Variants in GRIN3B observed in about 807,000 individuals in gnomAD.
GRIN3B encodes glutamate ionotropic receptor NMDA type subunit 3B.
In GRIN3B, 77 loss-of-function variants were observed where a neutral mutation model predicts 66.0. The observed-to-expected ratio is 1.17, with a 90% CI of 0.97 to 1.41. The LOEUF (loss-of-function observed/expected upper bound fraction) is 1.41. Among genes scored for constraint, GRIN3B ranks in the 40% most tolerant of loss-of-function variants. The pLI, the probability that GRIN3B is intolerant of heterozygous loss-of-function variation, is 0.00. For synonymous variants in GRIN3B, 823 were observed against 749.7 expected (o/e 1.10, Z -1.60); for missense variants, 1,787 against 1,564.5 (o/e 1.14, Z -2.40).
At chr19:1,008,471 C>T in intron 6 of GRIN3B, 147 bp from the exon 7 acceptor site, 1 of 1,053,618 alleles carries the variant, frequency 9.5e-7, no homozygotes, top group East Asian at 2.6e-5. Context: ...AAACCTCACT[C>T]CCCCCAGCCA....
rs1467156302 is a variant in GRIN3B at position 1,000,585 on chromosome 19, C to G, written c.148C>G (p.Arg50Gly). Residue 50 changes from arginine to glycine, a missense_variant, in exon 1 of 9, where the codon CGC (arginine) becomes GGC (glycine). Transcript: ENST00000234389. Reference protein sequence around the residue: ...GALLPRAPLARARARAALARA... With the variant: ...GALLPRAPLAGARARAALARA... ...CCTCCTGCCCCGCGCGCCTCTCGCC[C>G]GCGCCCGCGCCCGCGCCGCCCTGGC... 9.9e-7 allele frequency: 1 copy of G among 1,012,340 alleles called. No individual in the cohort carries two copies. 62.7% of individuals were successfully genotyped at this position (1,012,340 alleles called of 1,614,324 possible).
rs753243001 is a variant in GRIN3B at position 1,003,381 on chromosome 19, G to A, written c.678G>A (p.Val226=). The change falls in exon 2 of 9, where the codon GTG becomes GTA. Residue 226 remains valine (V), a synonymous_variant. Transcript: ENST00000234389. ...GCCTGGCCCCGATGGCGGCGCCAGT[G>A]GGGGGTGAAGCACCGGTACCCGCGG... ...RARLAPMAAP[V]GGEAPVPAAV... The A allele has an allele frequency of 8.3e-6, 13 of 1,566,506 alleles. No individual in the cohort carries two copies. The highest frequency in any genetic ancestry group is 1.2e-5 in the South Asian group (1 of 86,050).
chr19:1,004,302 G>A lies in GRIN3B; in HGVS notation c.1020-219G>A, dbSNP rs1430990114. 3.3e-5 allele frequency among the ~76,000 whole-genome samples: 5 copies of A among 152,192 alleles called. No homozygotes were observed. The East Asian group carries it at 7.7e-4, about 23-fold the overall frequency. ...TGTGTGTCAGTCACTGGCTTCAGGC[G>A]TATGTGGAGTGGGGGCACAGCCACG... On this transcript the variant is annotated intron_variant, in intron 2 of 8. Coordinates refer to ENST00000234389, the MANE Select transcript of GRIN3B (RefSeq NM_138690.3).
rs755216578 is a variant in GRIN3B at position 1,005,270 on chromosome 19, T to C, written c.1769T>C (p.Leu590Pro). Reference protein sequence around the residue: ...GVFAALHLTALFLTVYEWRSP... With the variant: ...GVFAALHLTAPFLTVYEWRSP... ...TTTGCGGCCCTGCACCTCACCGCGCTCTTCCTCACCGTGTACGAGTGGCGT... is the reference window on the plus strand; with the variant it reads ...TTTGCGGCCCTGCACCTCACCGCGCCCTTCCTCACCGTGTACGAGTGGCGT... The change falls in exon 3 of 9, where the codon CTC (leucine) becomes CCC (proline). Residue 590 changes from leucine (L) to proline (P), a missense_variant. Physicochemically the swap from Leu to Pro is moderately conservative, Grantham distance 98 (BLOSUM62 -3). Transcript: ENST00000234389. The surrounding 1 kb of genome is among the most constrained non-coding windows in gnomAD (Gnocchi z 5.2). The C allele has an allele frequency of 3.1e-6, 5 of 1,613,394 alleles. No homozygotes were observed. In the South Asian group the frequency reaches 4.4e-5, roughly 14 times the overall value.
intron 3 of GRIN3B, among the ~76,000 whole-genome samples, chr19:1,006,694 C>T (rs1599459525): frequency 6.6e-6 from 1 of 152,152 alleles, no homozygotes; most frequent in Non-Finnish European, 1.5e-5. Context: ...CCTGGGGGTG[C>T]CTGGCCTGCT....
intron 1 of GRIN3B, among the ~76,000 whole-genome samples, 197 bp downstream of exon 1, chr19:1,001,060 G>A (rs905125640): frequency 2.6e-5 from 4 of 152,140 alleles, no homozygotes; most frequent in African/African-American, 7.2e-5. Flanking sequence ...AGAACCCAGA[G>A]GAAGAGACCC....
intron 2 of GRIN3B, 43 bp downstream of exon 2, chr19:1,003,765 C>T: frequency 7.4e-7 from 1 of 1,345,964 alleles, no homozygotes; most frequent in South Asian, 1.6e-5. Flanking sequence ...GTCCAGGCCA[C>T]TGAGTCTGCA....
chr19:1,003,785 G>C lies in GRIN3B; in HGVS notation c.1019+63G>C, dbSNP rs533386390. On this transcript the variant is annotated intron_variant, in intron 2 of 8. Transcript: ENST00000234389. ...GGCCACTGAGTCTGCACTGCTCATGGATCACAAAAGGCAACGTGAGGCCAG... is the reference window on the plus strand; with the variant it reads ...GGCCACTGAGTCTGCACTGCTCATGCATCACAAAAGGCAACGTGAGGCCAG... The C allele has an allele frequency of 1.8e-5, 22 of 1,251,618 alleles. No homozygotes were observed. The African/African-American group carries it at 2.2e-4, about 13-fold the overall frequency. The allele number at this position is 1,251,618 out of a possible 1,614,324, so 77.5% of individuals were successfully genotyped here. A position where few individuals can be genotyped will look rare whatever the true frequency, so the allele number is the denominator to read the frequency against.
rs2038670005 is a variant in GRIN3B at position 1,000,485 on chromosome 19, G to A, written c.48G>A (p.Gly16=). 1 of 1,206,116 alleles carries A rather than the reference G, an allele frequency of 8.3e-7. No homozygotes were observed. 74.7% of individuals were successfully genotyped at this position (1,206,116 alleles called of 1,614,324 possible). Residue 16 remains glycine, a synonymous_variant, in exon 1 of 9, where the codon GGG becomes GGA. Coordinates refer to ENST00000234389, the MANE Select transcript of GRIN3B (RefSeq NM_138690.3). Reference sequence around the variant, plus strand: ...GGCTGGGCCTGGCGCTGGCGCTGGGGCCGGGGTCCGCGGGGGGCCACCCTC... The same window carrying A: ...GGCTGGGCCTGGCGCTGGCGCTGGGACCGGGGTCCGCGGGGGGCCACCCTC... The part of the protein sequence containing the change: ...ALWLGLALAL[G]PGSAGGHPQP...
At position 1,003,225 on chromosome 19, in the gene GRIN3B, C is replaced by G; in HGVS notation, c.522C>G (p.Val174=). ...AVLQAHAWED[V]GLALCRTQDP... is the part of the protein sequence containing the mutation. ...TGCAGGCGCACGCCTGGGAAGACGTCGGCCTGGCCCTGTGCCGCACTCAGG... is the reference window on the plus strand; with the variant it reads ...TGCAGGCGCACGCCTGGGAAGACGTGGGCCTGGCCCTGTGCCGCACTCAGG... Residue 174 remains valine (V), a synonymous_variant, in exon 2 of 9, where the codon GTC becomes GTG. Transcript: ENST00000234389. The G allele has an allele frequency of 6.4e-7, 1 of 1,570,248 alleles. No individual in the cohort carries two copies. The highest frequency in any genetic ancestry group is 8.6e-7 in the Non-Finnish European group (1 of 1,159,822).
chr19:1,008,811 C>A, intron 7 of GRIN3B, 29 bp downstream of exon 7: 2 of 1,586,946 alleles, frequency 1.3e-6, no homozygotes, highest in Non-Finnish European at 1.7e-6. Flanking sequence ...GCGGGCGGCC[C>A]CACCCCCCCC....
Position 1,008,650 on chromosome 19 carries a change from C to T in GRIN3B, c.2499C>T (p.Gly833=), listed in dbSNP as rs1217373231. ...TLQMSIYHFA[G]LFVLLCLGLG... ...AGATGAGCATCTACCACTTCGCGGG[C>T]CTCTTCGTGTTGCTGTGCCTGGGCC... The change falls in exon 7 of 9, where the codon GGC becomes GGT. Residue 833 remains glycine (G), a synonymous_variant. Transcript: ENST00000234389. 2 of 1,602,654 alleles carry T rather than the reference C, an allele frequency of 1.2e-6. No individual in the cohort carries two copies. Among genetic ancestry groups the T allele is most frequent in the East Asian group, 2.2e-5 (1 of 44,864 alleles).
chr19:1,000,816 G>T lies in GRIN3B; in HGVS notation c.379G>T (p.Val127Leu), dbSNP rs1285868871. 1 of 1,449,728 alleles carries T rather than the reference G, an allele frequency of 6.9e-7. No individual in the cohort carries two copies. The allele number at this position is 1,449,728 out of a possible 1,614,324, so 89.8% of individuals were successfully genotyped here. ...HFLAAATETPVLSLLRREARA... is the reference protein window; with the variant it reads ...HFLAAATETPLLSLLRREARA... ...CCTGGCGGCGGCCACCGAGACCCCC[G>T]TGCTCAGCCTGCTGCGGCGGGAGGC... The change falls in exon 1 of 9, where the codon GTG becomes TTG. Residue 127 changes from valine (V) to leucine (L), a missense_variant. Val to Leu is a conservative substitution (Grantham distance 32). Coordinates refer to ENST00000234389, the MANE Select transcript of GRIN3B (RefSeq NM_138690.3).
Position 1,009,186 on chromosome 19 carries a change from GA to G in GRIN3B, c.2717del (p.Glu906GlyfsTer179). 6.8e-7 allele frequency: 1 copy of G among 1,471,676 alleles called. No individual in the cohort carries two copies. The highest frequency in any genetic ancestry group is 8.9e-7 in the Non-Finnish European group (1 of 1,122,736). 91.2% of individuals were successfully genotyped at this position (1,471,676 alleles called of 1,614,324 possible). On this transcript the variant is annotated frameshift_variant, in exon 9 of 9. Transcript: ENST00000234389. LOFTEE classifies it low-confidence loss of function (END_TRUNC). ...TTCCGTCCCCAGCGGCCCCGAGGTG[GA>G]GCAGCAGCAGCAGCAGCAGGACCAG... is the stretch of plus-strand genomic sequence containing the variant. Reference protein sequence around the residue: ...AEAEPSGPEVEQQQQQQDQPT... With the variant: ...AEAEPSGPEVXQQQQQQDQPT...
rs137857882 is a variant in GRIN3B at position 1,008,920 on chromosome 19, G to A, written c.2695G>A (p.Glu899Lys). Residue 899 changes from glutamate to lysine, a missense_variant, in exon 8 of 9, where the codon GAG becomes AAG. Transcript: ENST00000234389. ...EGSKEETAEA[E>K]PSGPEVEQQQ... ...GTCGAAGGAGGAGACGGCAGAGGCG[G>A]AGCCCAGGTAAGTGGTGGTCGGGGC... 593 of 1,608,082 alleles carry A rather than the reference G, an allele frequency of 3.7e-4. 2 individuals are homozygous for A. Among genetic ancestry groups the A allele is most frequent in the Middle Eastern group, 8.6e-4 (5 of 5,824 alleles).
rs761357444 is a variant in GRIN3B at position 1,004,783 on chromosome 19, G to A, written c.1282G>A (p.Val428Met). Residue 428 changes from valine to methionine, a missense_variant, in exon 3 of 9, where the codon GTG becomes ATG. Transcript: ENST00000234389. The stretch of plus-strand genomic sequence containing the variant: ...GGTAACGCTGTTGGAACACCCATTT[G>A]TGTTTGCCCGTGATCCAGACGAAGA... ...RVVTLLEHPF[V>M]FARDPDEDGQ... 1.9e-6 allele frequency: 3 copies of A among 1,612,710 alleles called. No individual in the cohort carries two copies. Among genetic ancestry groups the A allele is most frequent in the Non-Finnish European group, 2.5e-6 (3 of 1,179,566 alleles).
chr19:1,007,669 G>T lies in GRIN3B; in HGVS notation c.2094G>T (p.Trp698Cys), dbSNP rs902540138. The change falls in exon 4 of 9, where the codon TGG (tryptophan) becomes TGT (cysteine). Residue 698 changes from tryptophan (W) to cysteine (C), a missense_variant. Physicochemically the swap from Trp to Cys is radical, Grantham distance 215 (BLOSUM62 -2). Transcript: ENST00000234389. This position sits in a 1 kb window ranked among gnomAD's most constrained non-coding sequence, Gnocchi z 4.4. Reference sequence around the variant, plus strand: ...AGGGCTTCCGCTTCGGCACCGTGTGGGAGAGCAGCGCCGAGGCGTACATCA... The same window carrying T: ...AGGGCTTCCGCTTCGGCACCGTGTGTGAGAGCAGCGCCGAGGCGTACATCA... ...PAQGFRFGTV[W>C]ESSAEAYIKK... is the part of the protein sequence containing the mutation. 2 of 1,534,158 alleles carry T rather than the reference G, an allele frequency of 1.3e-6. No homozygotes were observed. The highest frequency in any genetic ancestry group is 2.4e-5 in the South Asian group (2 of 82,138).
Position 1,000,817 on chromosome 19 carries a change from T to C in GRIN3B, c.380T>C (p.Val127Ala). 1 of 1,439,042 alleles carries C rather than the reference T, an allele frequency of 6.9e-7. No individual in the cohort carries two copies. Among genetic ancestry groups the C allele is most frequent in the South Asian group, 1.4e-5 (1 of 74,018 alleles). 89.1% of individuals were successfully genotyped at this position (1,439,042 alleles called of 1,614,324 possible). A position where few individuals can be genotyped will look rare whatever the true frequency, so the allele number is the denominator to read the frequency against. ...CTGGCGGCGGCCACCGAGACCCCCG[T>C]GCTCAGCCTGCTGCGGCGGGAGGCG... Reference protein sequence around the residue: ...HFLAAATETPVLSLLRREARA... With the variant: ...HFLAAATETPALSLLRREARA... The change falls in exon 1 of 9, where the codon GTG (valine) becomes GCG (alanine). Residue 127 changes from valine to alanine, a missense_variant. Transcript: ENST00000234389.
chr19:1,009,531 C>T lies in GRIN3B; in HGVS notation c.3061C>T (p.Arg1021Cys), dbSNP rs773196134. ...GGACAGCGCACGTCACCGGCCTCGG[C>T]GCTTGCTTCAGGCCAGAGCGGCCCC... is the stretch of plus-strand genomic sequence containing the variant. The part of the protein sequence containing the change: ...LGDSARHRPR[R>C]LLQARAAPAE... Residue 1021 changes from arginine to cysteine, a missense_variant, in exon 9 of 9, where the codon CGC becomes TGC. Arg to Cys is a radical substitution (Grantham distance 180). Transcript: ENST00000234389. The T allele has an allele frequency of 2.7e-6, 4 of 1,487,842 alleles. No individual in the cohort carries two copies. The highest frequency in any genetic ancestry group is 3.6e-6 in the Non-Finnish European group (4 of 1,124,254). The allele number at this position is 1,487,842 out of a possible 1,614,324, so 92.2% of individuals were successfully genotyped here. A position where few individuals can be genotyped will look rare whatever the true frequency, so the allele number is the denominator to read the frequency against.
Sources: allele counts gnomAD v4.1 joint callset (sites outside exome capture counted in the v4.1 genomes callset), GRCh38; gene constraint gnomAD v4.1.1; non-coding constraint Gnocchi (gnomAD v3.1); transcripts MANE v1.5; gene names NCBI Gene and HGNC (gene_info 2026-07-23, HGNC 2026-07-21).